THBS4: variants seen among roughly 807,000 people sequenced by gnomAD.
THBS4 encodes the protein thrombospondin 4, also known as thrombospondin-4.
In THBS4, 90 loss-of-function variants were observed where a neutral mutation model predicts 115.7. That is an observed-to-expected ratio of 0.78 (90% confidence interval 0.66 to 0.93). The LOEUF (loss-of-function observed/expected upper bound fraction) is 0.93. Ranked by LOEUF, THBS4 falls within the 40% of genes least tolerant of loss-of-function variation. The pLI is 0.00. For synonymous variants in THBS4, 460 were observed against 479.3 expected (o/e 0.96, Z 0.53); for missense variants, 1,087 against 1,232.7 (o/e 0.88, Z 1.77).
At chr5:80,061,994 G>A (rs1442328904) in intron 8 of THBS4, among the ~76,000 whole-genome samples, 162 bp downstream of exon 8, 2 of 152,202 alleles carry the variant, frequency 1.3e-5, no homozygotes, top group Non-Finnish European at 2.9e-5. Flanking sequence ...AACCATTTCT[G>A]AGTATTTACA....
chr5:80,056,172 T>A, intron 3 of THBS4, 140 bp downstream of exon 3: 1 of 1,105,274 alleles, frequency 9.0e-7, no homozygotes, highest in Non-Finnish European at 1.2e-6. Flanking sequence ...CTGCGGAGCT[T>A]GAAAAGCAAG....
At chr5:80,023,739 TGTG>T (rs1478309148) in intron 2 of THBS4, among the ~76,000 whole-genome samples, 1 of 151,966 alleles carries the variant, frequency 6.6e-6, no homozygotes, top group Non-Finnish European at 1.5e-5. Flanking sequence ...TCCACACACA[TGTG>T]GTGATGGCCT....
intron 2 of THBS4, among the ~76,000 whole-genome samples, chr5:80,022,609 C>CTGAT (rs1314942608): frequency 3.3e-5 from 5 of 152,200 alleles, no homozygotes; most frequent in Non-Finnish European, 7.3e-5. Flanking sequence ...AAAAGGTGCT[C>CTGAT]TATCAAACCA....
chr5:80,014,424 T>G (rs1450845827), intron 2 of THBS4, among the ~76,000 whole-genome samples: 1 of 152,190 alleles, frequency 6.6e-6, no homozygotes, highest in Non-Finnish European at 1.5e-5. Flanking sequence ...GTGGGATCTC[T>G]GGAACAAGCA....
At position 80,070,306 on chromosome 5, in the gene THBS4, T is replaced by C; in HGVS notation, c.1348T>C (p.Cys450Arg). 6.3e-7 allele frequency: 1 copy of C among 1,577,266 alleles called. No homozygotes were observed. The highest frequency in any genetic ancestry group is 1.2e-5 in the South Asian group (1 of 82,640). The change falls in exon 11 of 22, where the codon TGT (cysteine) becomes CGT (arginine). Residue 450 changes from cysteine (C) to arginine (R), a missense_variant and splice_region_variant. Cys to Arg is a radical substitution (Grantham distance 180). This residue lies in a region of THBS4 where 979 missense variants were observed against 1,103.7 expected (regional missense o/e 0.89). Coordinates refer to ENST00000350881, the MANE Select transcript of THBS4 (RefSeq NM_003248.6). ...CCTCTGATGGGCTTTCCCTTTACAGTGTGGAGTCGGTTGGGCTGGAGATGG... is the reference window on the plus strand; with the variant it reads ...CCTCTGATGGGCTTTCCCTTTACAGCGTGGAGTCGGTTGGGCTGGAGATGG... ...EERQGDVTCV[C>R]GVGWAGDGYI...
chr5:80,011,864 G>T (rs184827927), intron 2 of THBS4, among the ~76,000 whole-genome samples: 120 of 147,712 alleles, frequency 8.1e-4, no homozygotes, highest in African/African-American at 2.8e-3. Context: ...GCTGAGAAAC[G>T]ATTCTGTTTC....
At chr5:80,054,889 A>C (rs999203443) in intron 2 of THBS4, among the ~76,000 whole-genome samples, 13 of 152,246 alleles carry the variant, frequency 8.5e-5, no homozygotes, top group African/African-American at 3.1e-4. Context: ...GCATTGCTTT[A>C]GTCATGGAAT....
chr5:80,078,815 C>G, intron 17 of THBS4, 106 bp from the exon 18 acceptor site: 1 of 962,346 alleles, frequency 1.0e-6, no homozygotes, highest in Non-Finnish European at 1.5e-6. Flanking sequence ...ATATGGAGGT[C>G]AGACATCACT....
In THBS4 at chr5:80,058,776, C is replaced by T. The variant is rs137982040; in HGVS notation, c.718C>T (p.Leu240Phe). Residue 240 changes from leucine (L) to phenylalanine (F), a missense_variant, in exon 5 of 22, where the codon CTT becomes TTT. Transcript: ENST00000350881. ...CCAACTCCTGGGAGAGGTGAAGGAC[C>T]TTCTGAGACAGCAGGTAACAAGCGG... ...LNQLLGEVKD[L>F]LRQQVKETSF... is the part of the protein sequence containing the mutation. The T allele has an allele frequency of 9.9e-6, 16 of 1,613,632 alleles. No homozygotes were observed. The highest frequency in any genetic ancestry group is 1.0e-5 in the Non-Finnish European group (12 of 1,179,918).
intron 2 of THBS4, among the ~76,000 whole-genome samples, chr5:80,022,239 G>A (rs778400293): frequency 3.9e-5 from 6 of 152,176 alleles, no homozygotes; most frequent in African/African-American, 7.2e-5. Flanking sequence ...GTCTCTATAC[G>A]TTTCTTGCTT....
At position 79,991,340 on chromosome 5, in the gene THBS4, G is replaced by A. The variant is rs925570067; in HGVS notation, n.9G>A. The A allele has an allele frequency of 9.9e-6, 11 of 1,110,784 alleles. No homozygotes were observed. In the African/African-American group the frequency reaches 1.4e-4, roughly 14 times the overall value. 68.8% of individuals were successfully genotyped at this position (1,110,784 alleles called of 1,614,324 possible). ...CTAAGGGAGGGAAGGGTAATTTGGG[G>A]GCTCTTGAGAGATGAGAGAAACAAC... On this transcript the variant is annotated non_coding_transcript_exon_variant, in exon 1 of 4. Coordinates refer to the THBS4 transcript ENST00000510218.
chr5:80,000,514 A>C (rs1252057731), intron 2 of THBS4, among the ~76,000 whole-genome samples: 1 of 151,976 alleles, frequency 6.6e-6, no homozygotes, highest in Non-Finnish European at 1.5e-5. Context: ...TGGCTTCCTA[A>C]TATGTCATGC....
Position 80,055,837 on chromosome 5 carries a change from C to T in THBS4, c.345C>T (p.Asn115=). The T allele has an allele frequency of 6.2e-7, 1 of 1,614,172 alleles. No homozygotes were observed. The highest frequency in any genetic ancestry group is 8.5e-7 in the Non-Finnish European group (1 of 1,180,002). ...NDGKVHLVVF[N]NLQLADGRRH... is the part of the protein sequence containing the mutation. ...GGAAGGTGCATTTGGTGGTTTTCAA[C>T]AACCTGCAGCTGGCAGACGGAAGGC... The change falls in exon 3 of 22, where the codon AAC becomes AAT. Residue 115 remains asparagine (N), a synonymous_variant. Coordinates refer to ENST00000350881, the MANE Select transcript of THBS4 (RefSeq NM_003248.6).
At chr5:80,062,251 G>A (rs1185989336) in intron 8 of THBS4, among the ~76,000 whole-genome samples, 1 of 152,124 alleles carries the variant, frequency 6.6e-6, no homozygotes, top group Non-Finnish European at 1.5e-5. Context: ...TTTAAGAGTA[G>A]AAATAATCCC....
At chr5:80,025,453 C>T (rs1396247232) in intron 2 of THBS4, among the ~76,000 whole-genome samples, 1 of 152,204 alleles carries the variant, frequency 6.6e-6, no homozygotes, top group East Asian at 1.9e-4. Context: ...GTTCAAGGCA[C>T]TGCAGCCCTC....
chr5:80,056,981 G>A (rs917172216), intron 3 of THBS4, among the ~76,000 whole-genome samples: 4 of 152,136 alleles, frequency 2.6e-5, no homozygotes, highest in Non-Finnish European at 4.4e-5. Flanking sequence ...TCTGATCCTA[G>A]AAGTTTTGCC....
chr5:80,008,666 A>G (rs1333191528), intron 2 of THBS4, among the ~76,000 whole-genome samples: 1 of 152,190 alleles, frequency 6.6e-6, no homozygotes. Context: ...CATTGGCACT[A>G]TTGATTTTGG....
intron 2 of THBS4, among the ~76,000 whole-genome samples, chr5:80,028,650 G>C (rs1026322816): frequency 1.3e-5 from 2 of 152,062 alleles, no homozygotes; most frequent in South Asian, 4.2e-4. Flanking sequence ...ATAGAGATGG[G>C]GTTTCACCAT....
rs1049258215 is a variant in THBS4, at chr5:80,035,990, A to G, written c.88+365A>G. The G allele has an allele frequency of 9.8e-6, 10 of 1,020,352 alleles. No homozygotes were observed. In the South Asian group the frequency reaches 1.8e-4, roughly 19 times the overall value. The allele number at this position is 1,020,352 out of a possible 1,614,324, so 63.2% of individuals were successfully genotyped here. A position where few individuals can be genotyped will look rare whatever the true frequency, so the allele number is the denominator to read the frequency against. On this transcript the variant is annotated intron_variant, in intron 1 of 21. Coordinates refer to ENST00000350881, the MANE Select transcript of THBS4 (RefSeq NM_003248.6). This position sits in a 1 kb window ranked among gnomAD's most constrained non-coding sequence, Gnocchi z 4.6. ...CCTGCACCCTGTGCCGGTTCCCTCCAGGCAGCCTTGCTCCCTAAATCCTTC... is the reference window on the plus strand; with the variant it reads ...CCTGCACCCTGTGCCGGTTCCCTCCGGGCAGCCTTGCTCCCTAAATCCTTC...
Sources: gnomAD v4.1 joint callset for allele counts (sites outside exome capture counted in the v4.1 genomes callset) on GRCh38, gnomAD v4.1.1 for gene constraint, gnomAD v4.1.1 regional missense constraint, Gnocchi (gnomAD v3.1) non-coding constraint, MANE v1.5 for transcripts, NCBI Gene and HGNC (gene_info 2026-07-23, HGNC 2026-07-21) for gene names.